The following SCFD2 variants were observed in gnomAD, a reference collection of about 807,000 sequenced individuals.
SCFD2 encodes sec1 family domain-containing protein 2.
In SCFD2, 54 loss-of-function variants were observed where a neutral mutation model predicts 58.9. The ratio of observed to expected loss-of-function variants is 0.92; its 90% CI spans 0.74 to 1.15. The LOEUF (loss-of-function observed/expected upper bound fraction) is 1.15, where lower values mean the gene tolerates loss of function less well. Among genes scored for constraint, SCFD2 ranks in the 50% most tolerant of loss-of-function variants. The probability of loss-of-function intolerance (pLI) is 0.00; values close to 1 mark genes in which losing one functional copy is unlikely to be tolerated. For missense variants in SCFD2, 805 were observed against 836.6 expected (o/e 0.96, Z 0.47); for synonymous variants, 321 against 335.9 (o/e 0.96, Z 0.49).
chr4:52,939,604 G>A (rs771876972), intron 5 of SCFD2, among the ~76,000 whole-genome samples: 3 of 152,132 alleles, frequency 2.0e-5, no homozygotes, highest in Non-Finnish European at 2.9e-5. Context: ...CTGTTGATGA[G>A]CTGACAATCT....
chr4:53,342,630 T>C (rs1577987523), intron 2 of SCFD2, among the ~76,000 whole-genome samples: 1 of 152,210 alleles, frequency 6.6e-6, no homozygotes, highest in Non-Finnish European at 1.5e-5. Context: ...TACAGAACTC[T>C]CTAACTGAAA....
intron 5 of SCFD2, among the ~76,000 whole-genome samples, chr4:53,101,424 T>C (rs1724829908): frequency 6.6e-6 from 1 of 152,188 alleles, no homozygotes; most frequent in East Asian, 1.9e-4. Context: ...CAGTAGATTC[T>C]AGTTAACAGT....
intron 4 of SCFD2, among the ~76,000 whole-genome samples, chr4:53,234,641 A>G (rs998124141): frequency 2.0e-4 from 31 of 152,310 alleles, no homozygotes; most frequent in Admixed American, 1.7e-3. Context: ...TTAGGTTTGC[A>G]CCAAAGTAAG....
intron 4 of SCFD2, among the ~76,000 whole-genome samples, chr4:53,226,349 C>T (rs1485269906): frequency 6.6e-6 from 1 of 151,724 alleles, no homozygotes; most frequent in Non-Finnish European, 1.5e-5. Flanking sequence ...AGGACCAAAA[C>T]CCAAAAAGAC....
At chr4:53,356,900 A>T (rs528952186) in intron 1 of SCFD2, among the ~76,000 whole-genome samples, 33 of 151,834 alleles carry the variant, frequency 2.2e-4, no homozygotes, top group African/African-American at 7.7e-4. Context: ...CCACGCCCGG[A>T]TAATTTTTTG....
intron 3 of SCFD2, 61 bp from the exon 4 acceptor site, chr4:53,274,062 G>T: frequency 1.5e-6 from 2 of 1,369,896 alleles, no homozygotes; most frequent in Non-Finnish European, 2.0e-6. Context: ...TAATGAGAAG[G>T]ATTCCATTAA....
chr4:52,953,997 G>T (rs1180768028), intron 5 of SCFD2, among the ~76,000 whole-genome samples: 4 of 152,176 alleles, frequency 2.6e-5, no homozygotes, highest in Non-Finnish European at 5.9e-5. Context: ...AACTGTGGGT[G>T]AGCTGCCTTA....
intron 8 of SCFD2, among the ~76,000 whole-genome samples, chr4:52,875,099 C>T (rs1047799801): frequency 6.6e-6 from 1 of 152,190 alleles, no homozygotes; most frequent in African/African-American, 2.4e-5. Context: ...CAAGGACACA[C>T]ATACAGTCAG....
intron 2 of SCFD2, among the ~76,000 whole-genome samples, chr4:53,330,208 A>C (rs1292610097): frequency 6.6e-6 from 1 of 152,212 alleles, no homozygotes; most frequent in Non-Finnish European, 1.5e-5. Context: ...CAATCTCGCA[A>C]GGCAAGCCAA....
intron 3 of SCFD2, among the ~76,000 whole-genome samples, chr4:53,309,510 G>T (rs1732622608): frequency 6.6e-6 from 1 of 152,122 alleles, no homozygotes; most frequent in Admixed American, 6.5e-5. Flanking sequence ...CCCAAATACA[G>T]TCAAGGGGAT....
At chr4:53,268,256 A>T (rs1731052111) in intron 4 of SCFD2, among the ~76,000 whole-genome samples, 1 of 152,088 alleles carries the variant, frequency 6.6e-6, no homozygotes, top group South Asian at 2.1e-4. Flanking sequence ...GGGGATGGAA[A>T]GGGCATCCAC....
intron 2 of SCFD2, among the ~76,000 whole-genome samples, chr4:53,317,697 G>A (rs1290110043): frequency 6.6e-6 from 1 of 152,222 alleles, no homozygotes; most frequent in East Asian, 1.9e-4. Flanking sequence ...AGACTGCAGA[G>A]TGGCAGGGGC....
intron 7 of SCFD2, among the ~76,000 whole-genome samples, chr4:52,902,179 T>C (rs1719220697): frequency 6.6e-6 from 1 of 152,238 alleles, no homozygotes; most frequent in African/African-American, 2.4e-5. Flanking sequence ...GGTCTAGCCC[T>C]GCTGACCTCC....
chr4:52,885,608 G>A, intron 8 of SCFD2, 139 bp downstream of exon 8: 2 of 934,896 alleles, frequency 2.1e-6, no homozygotes, highest in Non-Finnish European at 3.3e-6. Context: ...GGCGGTAGCA[G>A]GAGGGAGGGA....
rs573177700 is a variant in SCFD2, at chr4:53,255,326, G to A, written c.1311+18500C>T. ...GTCAGCAGATAAACAAGTGAACAAC[G>A]GTCTCTGGTTTTCCTAGGCAGAGGA... On this transcript the variant is annotated intron_variant, in intron 4 of 8. Transcript: ENST00000401642. Among the ~76,000 whole-genome samples the A allele has an allele frequency of 2.5e-3, 380 of 152,038 alleles. 2 individuals carry two copies. Among genetic ancestry groups the A allele is most frequent in the Non-Finnish European group, 4.8e-3 (329 of 67,990 alleles).
chr4:52,900,483 C>T (rs1359619022), intron 7 of SCFD2, among the ~76,000 whole-genome samples: 1 of 152,200 alleles, frequency 6.6e-6, no homozygotes, highest in Non-Finnish European at 1.5e-5. Flanking sequence ...AATGCTGCTG[C>T]CTGATCGTTC....
chr4:53,156,395 A>ACGT (rs1726683825), intron 4 of SCFD2, among the ~76,000 whole-genome samples: 1 of 118,146 alleles, frequency 8.5e-6, no homozygotes, highest in Non-Finnish European at 1.7e-5. Flanking sequence ...GTGAGACTCA[A>ACGT]CTCAAAAAAA....
chr4:53,345,741 T>C (rs1380483431), intron 2 of SCFD2, among the ~76,000 whole-genome samples: 1 of 152,156 alleles, frequency 6.6e-6, no homozygotes, highest in African/African-American at 2.4e-5. Flanking sequence ...ATGTGGCACA[T>C]ATACACCATG....
At chr4:53,267,485 G>A (rs1249339955) in intron 4 of SCFD2, among the ~76,000 whole-genome samples, 1 of 152,214 alleles carries the variant, frequency 6.6e-6, no homozygotes, top group African/African-American at 2.4e-5. Context: ...AGAAGTGACT[G>A]AGAACACAGT....
Sources: gnomAD v4.1 joint callset for allele counts (sites outside exome capture counted in the v4.1 genomes callset) on GRCh38, gnomAD v4.1.1 for gene constraint, MANE v1.5 for transcripts, NCBI Gene and HGNC (gene_info 2026-07-23, HGNC 2026-07-21) for gene names.